FAM161B: variants seen among roughly 807,000 people sequenced by gnomAD.
FAM161B encodes protein FAM161B.
In FAM161B, 46 loss-of-function variants were observed where a neutral mutation model predicts 61.5. The ratio of observed to expected loss-of-function variants is 0.75; its 90% confidence interval spans 0.59 to 0.96. FAM161B has a LOEUF of 0.96. Among genes scored for constraint, FAM161B ranks in the 40% least tolerant of loss-of-function variants. FAM161B has a pLI of 0.00. For missense variants in FAM161B, 774 were observed against 800.7 expected (o/e 0.97, Z 0.40); for synonymous variants, 284 against 302.7 (o/e 0.94, Z 0.64).
the FAM161B span, among the ~76,000 whole-genome samples, chr14:73,925,541 C>T: frequency 2.0e-5 from 3 of 151,998 alleles, no homozygotes; most frequent in Non-Finnish European, 4.4e-5. Context: ...AATTTTCCTG[C>T]CTCAGTCTCC....
At chr14:73,942,225 G>A (rs2056024863) in intron 4 of FAM161B, 144 bp downstream of exon 4, 4 of 797,006 alleles carry the variant, frequency 5.0e-6, no homozygotes, top group African/African-American at 1.7e-5. Context: ...GGAGTTTATA[G>A]GAAAGTGAAT....
chr14:73,949,740 T>A (rs2056113737), intron 1 of FAM161B, among the ~76,000 whole-genome samples: 1 of 152,118 alleles, frequency 6.6e-6, no homozygotes, highest in African/African-American at 2.4e-5. Flanking sequence ...GTACTACTGG[T>A]CATAGAGTAC....
At chr14:73,935,901 G>T in intron 8 of FAM161B, 48 bp downstream of exon 8, 1 of 1,577,420 alleles carries the variant, frequency 6.3e-7, no homozygotes, top group Non-Finnish European at 8.6e-7. Context: ...GTATTACTGG[G>T]TATGACAATT....
the FAM161B span, among the ~76,000 whole-genome samples, chr14:73,924,053 CAT>C: frequency 2.0e-5 from 3 of 152,158 alleles, no homozygotes; most frequent in African/African-American, 4.8e-5. Context: ...CTGCTATGGT[CAT>C]ATGTCTGGGA....
chr14:73,923,359 C>A, the FAM161B span: 1 of 1,603,884 alleles, frequency 6.2e-7, no homozygotes, highest in East Asian at 2.2e-5. Flanking sequence ...TCTCTGGATT[C>A]ACTTTTCATT....
At chr14:73,931,616 C>T (rs1352907692), downstream of FAM161B, 2 of 1,355,226 alleles carry the variant, frequency 1.5e-6, no homozygotes, top group African/African-American at 1.5e-5. Context: ...GATGCCTTAG[C>T]CCACAACAGA....
In FAM161B at chr14:73,944,319, G is replaced by A. The variant is rs754428519; in HGVS notation, c.925+16C>T. ...CCCCGAGGCAGGAGGCAGCAAGGTG[G>A]CAAGGATGTCTTTACCCTGGAGTTT... is the stretch of plus-strand genomic sequence containing the variant. On this transcript the variant is annotated intron_variant, in intron 3 of 8. Transcript: ENST00000286544. 3 of 1,555,024 alleles carry A rather than the reference G, an allele frequency of 1.9e-6. No homozygotes were observed. Among genetic ancestry groups the A allele is most frequent in the Non-Finnish European group, 2.6e-6 (3 of 1,146,996 alleles).
chr14:73,941,303 G>A (rs68159267), intron 4 of FAM161B, among the ~76,000 whole-genome samples: 2,413 of 151,942 alleles, frequency 0.016, 27 homozygotes, highest in Non-Finnish European at 0.026. Flanking sequence ...TGCAGTTTTA[G>A]TACAGACGGG....
Position 73,950,021 on chromosome 14 carries a change from G to T in FAM161B, c.6C>A (p.Thr2=), listed in dbSNP as rs1338792794. Residue 2 remains threonine (T), a synonymous_variant, in exon 1 of 9, where the codon ACC becomes ACA. Coordinates refer to ENST00000286544, the MANE Select transcript of FAM161B (RefSeq NM_152445.3). M[T]VGRPEGAPGG... is the part of the protein sequence containing the mutation. ...CGGGGGCTCCCTCAGGCCTCCCCAC[G>T]GTCATTTCAGCTGGACAGAGGCAGC... 1 of 1,612,638 alleles carries T rather than the reference G, an allele frequency of 6.2e-7. No homozygotes were observed. Among genetic ancestry groups the T allele is most frequent in the Non-Finnish European group, 8.5e-7 (1 of 1,180,002 alleles).
chr14:73,930,440 G>A (rs2055894891), downstream of FAM161B, among the ~76,000 whole-genome samples: 6 of 149,548 alleles, frequency 4.0e-5, no homozygotes, highest in Admixed American at 4.0e-4. Flanking sequence ...TGGGGTTATA[G>A]GCATGAGCCA....
chr14:73,934,472 T>A, intron 8 of FAM161B, 78 bp from the exon 9 acceptor site: 1 of 1,398,350 alleles, frequency 7.2e-7, no homozygotes, highest in Non-Finnish European at 9.6e-7. Context: ...CAGGCTGGAG[T>A]GCAGTGGCAT....
At position 73,946,818 on chromosome 14, in the gene FAM161B, C is replaced by T. The variant is rs145015470; in HGVS notation, c.55-213G>A. On this transcript the variant is annotated intron_variant, in intron 1 of 8. Transcript: ENST00000286544. ...TTCTTGGTCTAAAGAAATTTCACAA[C>T]TTGGTCTATGAAGTGCGCTTGGTTG... is the stretch of plus-strand genomic sequence containing the variant. 5.3e-3 allele frequency among the ~76,000 whole-genome samples: 807 copies of T among 152,166 alleles called. 10 individuals are homozygous for T. The highest frequency in any genetic ancestry group is 0.02 in the Middle Eastern group (6 of 294).
chr14:73,941,614 G>C (rs1220969729), intron 4 of FAM161B, among the ~76,000 whole-genome samples: 2 of 152,142 alleles, frequency 1.3e-5, no homozygotes, highest in Non-Finnish European at 2.9e-5. Context: ...ATCAACAACT[G>C]ATCCCAACTC....
chr14:73,935,303 A>G (rs34121364), intron 8 of FAM161B, among the ~76,000 whole-genome samples: 17,147 of 151,892 alleles, frequency 0.11, 1,264 homozygotes, highest in Admixed American at 0.19. Flanking sequence ...TGAGGAGGGT[A>G]GATCACGAGG....
intron 5 of FAM161B, 38 bp downstream of exon 5, chr14:73,940,888 G>GA (rs1566674199): frequency 6.4e-7 from 1 of 1,570,478 alleles, no homozygotes; most frequent in East Asian, 2.3e-5. Context: ...TTTGGGGCCA[G>GA]AATCAGAGCA....
At chr14:73,923,771 C>G in the FAM161B span, among the ~76,000 whole-genome samples, 1 of 152,292 alleles carries the variant, frequency 6.6e-6, no homozygotes, top group African/African-American at 2.4e-5. Flanking sequence ...TTGTTGATGT[C>G]TGTTCCCACT....
chr14:73,938,630 GGT>G (rs1176833723), intron 5 of FAM161B, among the ~76,000 whole-genome samples: 2 of 151,662 alleles, frequency 1.3e-5, no homozygotes, highest in South Asian at 2.1e-4. Flanking sequence ...AAATTAGCCG[GGT>G]GCGGTGGTGG....
chr14:73,949,666 G>A (rs1033865548), intron 1 of FAM161B, among the ~76,000 whole-genome samples: 4 of 151,420 alleles, frequency 2.6e-5, no homozygotes, highest in African/African-American at 9.7e-5. Context: ...GCCAAATTTG[G>A]GGAGCAATTT....
chr14:73,934,192 C>G lies in FAM161B; in HGVS notation c.*64G>C. On this transcript the variant is annotated 3_prime_UTR_variant, in exon 9 of 9. Transcript: ENST00000286544. ...TGACTCAAAACCCAAGTTTTCCCTG[C>G]CTTGACTCAAACCCAAGTTAGCTGC... The G allele has an allele frequency of 6.4e-7, 1 of 1,572,278 alleles. No homozygotes were observed. The highest frequency in any genetic ancestry group is 8.6e-7 in the Non-Finnish European group (1 of 1,160,366).
Sources: allele counts gnomAD v4.1 joint callset (sites outside exome capture counted in the v4.1 genomes callset), GRCh38; gene constraint gnomAD v4.1.1; transcripts MANE v1.5; gene names NCBI Gene and HGNC (gene_info 2026-07-23, HGNC 2026-07-21).